EFCAB11: variants seen among roughly 807,000 people sequenced by gnomAD.
EFCAB11 encodes EF-hand calcium-binding domain-containing protein 11.
Under a neutral mutation model 23.0 loss-of-function variants are expected in EFCAB11, and 14 were observed. The observed-to-expected ratio is 0.61, with a 90% CI of 0.40 to 0.95. The LOEUF (loss-of-function observed/expected upper bound fraction) is 0.95. EFCAB11 is among the 40% of genes least tolerant of loss of function. The pLI is 0.00. For synonymous variants in EFCAB11, 65 were observed against 66.6 expected (o/e 0.98, Z 0.11); for missense variants, 198 against 195.8 (o/e 1.01, Z -0.07).
chr14:89,934,659 T>C (rs576634059), intron 3 of EFCAB11, among the ~76,000 whole-genome samples: 13 of 152,230 alleles, frequency 8.5e-5, no homozygotes, highest in African/African-American at 2.4e-4. Flanking sequence ...TTTTTTTCCA[T>C]AGTTGTGGGG....
chr14:89,933,633 C>T (rs1464934336), intron 3 of EFCAB11, among the ~76,000 whole-genome samples: 1 of 152,070 alleles, frequency 6.6e-6, no homozygotes, highest in African/African-American at 2.4e-5. Flanking sequence ...CCTTTTAGGA[C>T]CTACTATGGG....
At chr14:89,895,305 A>C (rs546163381) in intron 5 of EFCAB11, among the ~76,000 whole-genome samples, 1 of 152,236 alleles carries the variant, frequency 6.6e-6, no homozygotes, top group Non-Finnish European at 1.5e-5. Flanking sequence ...TCATCTGTAA[A>C]GTCAATGTTA....
At chr14:89,832,192 A>T (rs1399857662) in intron 5 of EFCAB11, among the ~76,000 whole-genome samples, 4 of 152,116 alleles carry the variant, frequency 2.6e-5, no homozygotes, top group Non-Finnish European at 1.5e-5. Context: ...CGGCACCTGT[A>T]ATTTCAGCTA....
At chr14:89,951,882 G>A (rs1374169382) in intron 2 of EFCAB11, among the ~76,000 whole-genome samples, 3 of 152,082 alleles carry the variant, frequency 2.0e-5, no homozygotes, top group Non-Finnish European at 4.4e-5. Flanking sequence ...CCTAGATCAC[G>A]CCACTACACT....
intron 5 of EFCAB11, chr14:89,830,139 C>T (rs1886836220): frequency 6.6e-6 from 1 of 152,132 alleles, no homozygotes; most frequent in South Asian, 2.1e-4. Context: ...TTATTCCCTA[C>T]AAGTAGCCTT....
rs45465103 is a variant in EFCAB11 at position 89,797,012 on chromosome 14, T to C, written c.*231A>G. 0.02 allele frequency: 5,132 copies of C among 253,464 alleles called. 87 individuals carry two copies. The highest frequency in any genetic ancestry group is 0.075 in the Middle Eastern group (59 of 788). 15.7% of individuals were successfully genotyped at this position (253,464 alleles called of 1,614,324 possible). On this transcript the variant is annotated 3_prime_UTR_variant, in exon 6 of 6. Coordinates refer to ENST00000316738, the MANE Select transcript of EFCAB11 (RefSeq NM_145231.4). ...CAAGTCTATCATCAGCATCCAAAAA[T>C]TATGATTAAAAATTTAGTCAATTAC...
At position 89,797,311 on chromosome 14, in the gene EFCAB11, C is replaced by A; in HGVS notation, c.424G>T (p.Asp142Tyr). ...CTAAAGCTGACGTGACCATCTGAAT[C>A]TCGATCTACTTCCCTGGAAAATGAA... The part of the protein sequence containing the change: ...VLEVFREVDR[D>Y]SDGHVSFRDF... Residue 142 changes from aspartate to tyrosine, a missense_variant, in exon 6 of 6, where the codon GAT becomes TAT. Physicochemically the swap from Asp to Tyr is radical, Grantham distance 160 (BLOSUM62 -3). Coordinates refer to ENST00000316738, the MANE Select transcript of EFCAB11 (RefSeq NM_145231.4). The A allele has an allele frequency of 1.2e-6, 2 of 1,613,036 alleles. No homozygotes were observed. The highest frequency in any genetic ancestry group is 1.7e-6 in the Non-Finnish European group (2 of 1,179,676).
At chr14:89,885,758 G>GGAAA (rs55818706) in intron 5 of EFCAB11, among the ~76,000 whole-genome samples, 18 of 147,892 alleles carry the variant, frequency 1.2e-4, no homozygotes, top group African/African-American at 2.8e-4. Flanking sequence ...AGGAAAGAAA[G>GGAAA]GAAAGAAAGA....
chr14:89,920,981 C>T lies in EFCAB11; in HGVS notation c.410+10560G>A, dbSNP rs527718661. Among the ~76,000 whole-genome samples the T allele has an allele frequency of 4.0e-5, 6 of 150,728 alleles. No individual in the cohort carries two copies. In the South Asian group the frequency reaches 8.4e-4, roughly 21 times the overall value. ...TTGGGAGGCTGAGGCAGGAGAATCA[C>T]TTGAACCTGGGAGGCAGAGGTTGCA... On this transcript the variant is annotated intron_variant, in intron 5 of 5. Coordinates refer to ENST00000316738, the MANE Select transcript of EFCAB11 (RefSeq NM_145231.4).
chr14:89,940,347 ACAC>A (rs1378366044), intron 3 of EFCAB11, among the ~76,000 whole-genome samples: 1 of 152,226 alleles, frequency 6.6e-6, no homozygotes, highest in African/African-American at 2.4e-5. Context: ...AAAAAACCAT[ACAC>A]AACAGCAGGT....
At chr14:89,910,864 A>C in intron 5 of EFCAB11, among the ~76,000 whole-genome samples, 1 of 152,194 alleles carries the variant, frequency 6.6e-6, no homozygotes, top group East Asian at 1.9e-4. Context: ...ATCTCTTTAG[A>C]ATTAACATGA....
At chr14:89,915,740 C>A (rs1258320405) in intron 5 of EFCAB11, among the ~76,000 whole-genome samples, 1 of 152,044 alleles carries the variant, frequency 6.6e-6, no homozygotes, top group Non-Finnish European at 1.5e-5. Context: ...AACTCACACT[C>A]AAAAAGCAAA....
intron 5 of EFCAB11, chr14:89,830,839 G>A (rs1886859596): frequency 1.3e-5 from 2 of 152,118 alleles, no homozygotes; most frequent in African/African-American, 4.8e-5. Context: ...GGCTATGGTT[G>A]TAAACAAACC....
At chr14:89,836,284 G>A (rs904985336) in intron 5 of EFCAB11, 13 of 242,712 alleles carry the variant, frequency 5.4e-5, no homozygotes, top group Non-Finnish European at 9.9e-5. Context: ...TTGCTCTAGA[G>A]TCCTTCCATG....
intron 5 of EFCAB11, among the ~76,000 whole-genome samples, chr14:89,843,082 T>C (rs1887322614): frequency 6.6e-6 from 1 of 152,106 alleles, no homozygotes; most frequent in African/African-American, 2.4e-5. Flanking sequence ...TCCACTCCTG[T>C]CTAGTACACA....
chr14:89,912,368 T>G (rs1216367331), intron 5 of EFCAB11, among the ~76,000 whole-genome samples: 2 of 151,872 alleles, frequency 1.3e-5, no homozygotes, highest in African/African-American at 4.9e-5. Context: ...AAACAGGAGT[T>G]GATGATACAT....
intron 5 of EFCAB11, among the ~76,000 whole-genome samples, chr14:89,855,966 T>C (rs891773466): frequency 6.6e-6 from 1 of 152,210 alleles, no homozygotes; most frequent in Non-Finnish European, 1.5e-5. Flanking sequence ...AGGATCACTT[T>C]TAAGGCTGAA....
chr14:89,923,643 G>C, intron 5 of EFCAB11: 1 of 973,646 alleles, frequency 1.0e-6, no homozygotes, highest in Non-Finnish European at 1.2e-6. Flanking sequence ...TTTTATGGAT[G>C]TTTCTATACC....
At chr14:89,828,500 T>C (rs1886777204) in intron 5 of EFCAB11, among the ~76,000 whole-genome samples, 1 of 152,160 alleles carries the variant, frequency 6.6e-6, no homozygotes, top group Admixed American at 6.5e-5. Flanking sequence ...AAAGAGTTCA[T>C]AGTGCTTTTC....
Sources: gnomAD v4.1 joint callset for allele counts (sites outside exome capture counted in the v4.1 genomes callset) on GRCh38, gnomAD v4.1.1 for gene constraint, MANE v1.5 for transcripts, NCBI Gene and HGNC (gene_info 2026-07-23, HGNC 2026-07-21) for gene names.